TRPM4: variants seen among roughly 807,000 people sequenced by gnomAD.
TRPM4 encodes transient receptor potential cation channel subfamily M member 4.
In TRPM4, 124 loss-of-function variants were observed where a neutral mutation model predicts 135.6. That is an observed-to-expected ratio of 0.91 (90% CI 0.79 to 1.06). The LOEUF (loss-of-function observed/expected upper bound fraction) is 1.06, where lower values mean the gene tolerates loss of function less well. Among genes scored for constraint, TRPM4 ranks in the 50% least tolerant of loss-of-function variants. The pLI, the probability that TRPM4 is intolerant of heterozygous loss-of-function variation, is 0.00. For synonymous variants in TRPM4, 745 were observed against 705.6 expected, an observed-to-expected ratio of 1.06 and a Z score of -0.88; for missense variants, 1,658 against 1,671.4, an observed-to-expected ratio of 0.99 and a Z score of 0.14.
rs141997826 is a variant in TRPM4 at position 49,171,589 on chromosome 19, C to T, written c.870C>T (p.Asn290=). The T allele has an allele frequency of 3.9e-3, 6,274 of 1,613,980 alleles. 22 individuals carry two copies. The highest frequency in any genetic ancestry group is 4.5e-3 in the Non-Finnish European group (5,320 of 1,180,002). ...CCTTTATCCTGTAGCGAATAGAGAA[C>T]GCCACCCAGGCTCAGCTCCCATGTC... ...GDEKMLTRIE[N]ATQAQLPCLL... The change falls in exon 8 of 25, where the codon AAC becomes AAT. Residue 290 remains asparagine, a synonymous_variant. Coordinates refer to ENST00000252826, the MANE Select transcript of TRPM4 (RefSeq NM_017636.4). The surrounding 1 kb of genome is among the most constrained non-coding windows in gnomAD (Gnocchi z 4.7).
intron 20 of TRPM4, among the ~76,000 whole-genome samples, chr19:49,203,708 C>T (rs1307400215): frequency 2.0e-5 from 3 of 152,098 alleles, no homozygotes; most frequent in African/African-American, 4.8e-5. Flanking sequence ...TGGAATTATG[C>T]GATATTTGTC....
At chr19:49,200,161 TA>T in intron 17 of TRPM4, 138 bp from the exon 18 acceptor site, 1 of 1,327,666 alleles carries the variant, frequency 7.5e-7, no homozygotes, top group Non-Finnish European at 1.1e-6. Context: ...TAAATTTGAG[TA>T]AACCCCGGGT....
At position 49,166,064 on chromosome 19, in the gene TRPM4, G is replaced by T; in HGVS notation, c.116G>T (p.Arg39Leu). 6.3e-7 allele frequency: 1 copy of T among 1,599,126 alleles called. No individual in the cohort carries two copies. Among genetic ancestry groups the T allele is most frequent in the Non-Finnish European group, 8.5e-7 (1 of 1,174,666 alleles). ...AGAGGGACCTTGTGCCAGTGTGGGCGCCCCCGGACCGCCCACCCCGCAGTG... is the reference window on the plus strand; with the variant it reads ...AGAGGGACCTTGTGCCAGTGTGGGCTCCCCCGGACCGCCCACCCCGCAGTG... Reference protein sequence around the residue: ...DPGGTLCQCGRPRTAHPAVAM... With the variant: ...DPGGTLCQCGLPRTAHPAVAM... The change falls in exon 3 of 25, where the codon CGC (arginine) becomes CTC (leucine). Residue 39 changes from arginine (R) to leucine (L), a missense_variant. By Grantham distance (102) the Arg-to-Leu change is moderately radical. Around this residue, in one of 3 missense-constraint regions of TRPM4, gnomAD observed 239 missense variants for 240.1 expected, o/e 1.00. Coordinates refer to ENST00000252826, the MANE Select transcript of TRPM4 (RefSeq NM_017636.4).
At chr19:49,206,396 T>C (rs1969151984) in intron 20 of TRPM4, among the ~76,000 whole-genome samples, 1 of 152,130 alleles carries the variant, frequency 6.6e-6, no homozygotes, top group Non-Finnish European at 1.5e-5. Context: ...AGAGTTTCCA[T>C]GTCTGTCAAA....
intron 9 of TRPM4, 97 bp downstream of exon 9, chr19:49,172,205 C>A: frequency 1.0e-6 from 1 of 954,560 alleles, no homozygotes; most frequent in South Asian, 1.3e-5. Flanking sequence ...AATCCAAGGC[C>A]CATGCCCCCT....
chr19:49,178,772 T>TTTTTTTTGTTTTG (rs1967801571), intron 9 of TRPM4, among the ~76,000 whole-genome samples: 1 of 150,102 alleles, frequency 6.7e-6, no homozygotes, highest in Middle Eastern at 3.2e-3. Context: ...TTTTTTATTT[T>TTTTTTTTGTTTTG]TTTTGAGATG....
Position 49,158,223 on chromosome 19 carries a change from C to A in TRPM4, c.56C>A (p.Thr19Asn). The change falls in exon 2 of 25, where the codon ACC (threonine) becomes AAC (asparagine). Residue 19 changes from threonine to asparagine, a missense_variant. Physicochemically the swap from Thr to Asn is moderately conservative, Grantham distance 65. This residue lies in a region of TRPM4 where 239 missense variants were observed against 240.1 expected (regional missense o/e 1.00). Transcript: ENST00000252826. ...SWIPKIFKKK[T>N]CTTFIVDSTD... ...ATCCCCAAGATCTTCAAGAAGAAGA[C>A]CTGCACGACGTTCATAGTTGACTCC... 1 of 1,613,912 alleles carries A rather than the reference C, an allele frequency of 6.2e-7. No individual in the cohort carries two copies. The highest frequency in any genetic ancestry group is 1.3e-5 in the African/African-American group (1 of 74,988).
At chr19:49,201,915 C>T in intron 19 of TRPM4, 49 bp from the exon 20 acceptor site, 1 of 1,603,460 alleles carries the variant, frequency 6.2e-7, no homozygotes, top group Non-Finnish European at 8.5e-7. Context: ...TCCTGTCTTT[C>T]TTAGGTCTCT....
intron 16 of TRPM4, among the ~76,000 whole-genome samples, chr19:49,192,435 G>A (rs1968446007): frequency 6.6e-6 from 1 of 152,152 alleles, no homozygotes; most frequent in Non-Finnish European, 1.5e-5. Context: ...GAGCCACCAT[G>A]CCTGGCCTAT....
Position 49,194,388 on chromosome 19 carries a change from C to T in TRPM4, c.2211-2052C>T, listed in dbSNP as rs373323014. Among the ~76,000 whole-genome samples, 4 of 152,034 alleles carry T rather than the reference C, an allele frequency of 2.6e-5. No individual in the cohort carries two copies. The East Asian group carries it at 7.8e-4, about 30-fold the overall frequency. On this transcript the variant is annotated intron_variant, in intron 16 of 24. Transcript: ENST00000252826. ...CCCACCTCAGCCTCTCAAGTAGCTA[C>T]AGATGCATGCTATGCTCGGCTAATT...
In TRPM4 at chr19:49,158,208, T is replaced by A; in HGVS notation, c.41T>A (p.Ile14Asn). ...PEKEQSWIPK[I>N]FKKKTCTTFI... ...TGTCCCCAGAGCTGGATCCCCAAGA[T>A]CTTCAAGAAGAAGACCTGCACGACG... Residue 14 changes from isoleucine to asparagine, a missense_variant, in exon 2 of 25, where the codon ATC becomes AAC. Around this residue, in one of 3 missense-constraint regions of TRPM4, gnomAD observed 239 missense variants for 240.1 expected, o/e 1.00. Transcript: ENST00000252826. 1 of 1,613,762 alleles carries A rather than the reference T, an allele frequency of 6.2e-7. No individual in the cohort carries two copies. Among genetic ancestry groups the A allele is most frequent in the Non-Finnish European group, 8.5e-7 (1 of 1,179,916 alleles).
chr19:49,166,775 T>C (rs994564819), intron 3 of TRPM4, among the ~76,000 whole-genome samples: 5 of 150,204 alleles, frequency 3.3e-5, no homozygotes, highest in Non-Finnish European at 7.4e-5. Context: ...TGGGTCTCTG[T>C]CTCTGTCTCT....
At chr19:49,166,258 T>C in intron 3 of TRPM4, 43 bp downstream of exon 3, 1 of 1,546,116 alleles carries the variant, frequency 6.5e-7, no homozygotes, top group Non-Finnish European at 8.7e-7. Flanking sequence ...ACCAGGGGGC[T>C]GCATGCTCGG....
At chr19:49,201,195 G>A (rs977994709) in intron 19 of TRPM4, among the ~76,000 whole-genome samples, 1 of 151,916 alleles carries the variant, frequency 6.6e-6, no homozygotes, top group South Asian at 2.1e-4. Flanking sequence ...ATAACCTGAC[G>A]CGTCTATTTT....
rs760887443 is a variant in TRPM4 at position 49,158,236 on chromosome 19, C to G, written c.69C>G (p.Phe23Leu). ...TCAAGAAGAAGACCTGCACGACGTT[C>G]ATAGTTGACTCCACAGATCCGGGGT... ...KIFKKKTCTT[F>L]IVDSTDPGGT... The change falls in exon 2 of 25, where the codon TTC becomes TTG. Residue 23 changes from phenylalanine (F) to leucine (L), a missense_variant. Physicochemically the swap from Phe to Leu is conservative, Grantham distance 22. This residue lies in a region of TRPM4 where 239 missense variants were observed against 240.1 expected (regional missense o/e 1.00). Transcript: ENST00000252826. 6.8e-6 allele frequency: 11 copies of G among 1,613,982 alleles called. No individual in the cohort carries two copies. In the South Asian group the frequency reaches 1.2e-4, roughly 18 times the overall value.
At chr19:49,188,509 A>G (rs1187174367) in intron 12 of TRPM4, 132 bp from the exon 13 acceptor site, 7 of 1,309,796 alleles carry the variant, frequency 5.3e-6, no homozygotes, top group Non-Finnish European at 7.7e-6. Flanking sequence ...ATCTCCAAAC[A>G]TTACTTCATC....
intron 9 of TRPM4, among the ~76,000 whole-genome samples, chr19:49,181,003 T>A (rs945867085): frequency 2.0e-5 from 3 of 152,090 alleles, no homozygotes; most frequent in Non-Finnish European, 4.4e-5. Context: ...GGGGACATAT[T>A]TCCCCCAATA....
intron 2 of TRPM4, among the ~76,000 whole-genome samples, chr19:49,165,832 C>T (rs959717455): frequency 6.6e-6 from 1 of 152,184 alleles, no homozygotes; most frequent in African/African-American, 2.4e-5. Context: ...GACTCACTGG[C>T]TTCCTTCCCG....
chr19:49,189,211 C>T (rs958798662), intron 14 of TRPM4, 120 bp downstream of exon 14: 14 of 1,426,546 alleles, frequency 9.8e-6, no homozygotes, highest in Non-Finnish European at 1.3e-5. Flanking sequence ...CCTGGAGATC[C>T]CCCAGAAAGT....
Sources: allele counts gnomAD v4.1 joint callset (sites outside exome capture counted in the v4.1 genomes callset), GRCh38; gene constraint gnomAD v4.1.1; regional missense constraint gnomAD v4.1.1; non-coding constraint Gnocchi (gnomAD v3.1); transcripts MANE v1.5; gene names NCBI Gene and HGNC (gene_info 2026-07-23, HGNC 2026-07-21).